Variants in CLRN1 observed in about 807,000 individuals in gnomAD.
CLRN1 encodes clarin 1.
CLRN1 carries 15 observed loss-of-function variants against 18.7 expected under a neutral mutation model. That is an observed-to-expected ratio of 0.80 (90% CI 0.54 to 1.23). CLRN1 has a LOEUF of 1.23. Among genes scored for constraint, CLRN1 ranks in the 50% most tolerant of loss-of-function variants. The pLI, the probability that CLRN1 is intolerant of heterozygous loss-of-function variation, is 0.00. For missense variants in CLRN1, 311 were observed against 277.5 expected (o/e 1.12, Z -0.86); for synonymous variants, 104 against 102.9 (o/e 1.01, Z -0.07).
intron 1 of CLRN1, among the ~76,000 whole-genome samples, chr3:150,952,434 G>A (rs1429481158): frequency 1.3e-5 from 2 of 152,152 alleles, no homozygotes; most frequent in African/African-American, 2.4e-5. Flanking sequence ...CACATTTAAC[G>A]TAGGCTGAGC....
At chr3:150,965,168 T>C (rs906767) in intron 1 of CLRN1, among the ~76,000 whole-genome samples, 98,113 of 152,012 alleles carry the variant, frequency 0.65, 31,824 homozygotes, top group East Asian at 0.69. Context: ...AGAGCATGAT[T>C]TACCATATGC....
intron 1 of CLRN1, among the ~76,000 whole-genome samples, chr3:150,960,622 C>A (rs1384105521): frequency 2.0e-5 from 3 of 152,168 alleles, no homozygotes; most frequent in Non-Finnish European, 4.4e-5. Flanking sequence ...ATTCTTACTT[C>A]TATTTCCCTT....
intron 1 of CLRN1, among the ~76,000 whole-genome samples, chr3:150,966,766 T>C (rs997088385): frequency 2.6e-5 from 4 of 152,180 alleles, no homozygotes; most frequent in Non-Finnish European, 4.4e-5. Context: ...TTAAAAATCA[T>C]GAGTTTTGAG....
chr3:150,956,513 G>A (rs1192637686), intron 1 of CLRN1, among the ~76,000 whole-genome samples: 1 of 152,134 alleles, frequency 6.6e-6, no homozygotes, highest in Non-Finnish European at 1.5e-5. Flanking sequence ...GAGAGAGAAA[G>A]CGAAAAAGGA....
At position 150,928,006 on chromosome 3, in the gene CLRN1, C is replaced by G; in HGVS notation, c.629G>C (p.Gly210Ala). The G allele has an allele frequency of 6.2e-7, 1 of 1,614,140 alleles. No individual in the cohort carries two copies. Among genetic ancestry groups the G allele is most frequent in the Non-Finnish European group, 8.5e-7 (1 of 1,180,026 alleles). The change falls in exon 3 of 3, where the codon GGA becomes GCA. Residue 210 changes from glycine (G) to alanine (A), a missense_variant. By Grantham distance (60) the Gly-to-Ala change is moderately conservative. Transcript: ENST00000327047. ...FLNGLLIRLA[G>A]FQFPFAKSKD... is the part of the protein sequence containing the mutation. ...AGATTTTGCAAAAGGGAACTGAAAT[C>G]CAGCAAGTCGTATTAGGAGCCCATT...
intron 1 of CLRN1, among the ~76,000 whole-genome samples, chr3:150,967,064 C>T (rs1276224855): frequency 6.6e-6 from 1 of 152,170 alleles, no homozygotes; most frequent in Non-Finnish European, 1.5e-5. Context: ...CAGAGACCCA[C>T]CTCAAATCCA....
At chr3:150,971,817 C>T (rs1715550954) in intron 1 of CLRN1, among the ~76,000 whole-genome samples, 1 of 152,140 alleles carries the variant, frequency 6.6e-6, no homozygotes, top group African/African-American at 2.4e-5. Context: ...AAAATCACAA[C>T]AAGAAAATCT....
rs1463278221 is a variant in CLRN1 at position 150,927,003 on chromosome 3, A to G, written c.*933T>C. The G allele has an allele frequency of 2.7e-6, 4 of 1,508,510 alleles. No homozygotes were observed. Among genetic ancestry groups the G allele is most frequent in the Admixed American group, 3.9e-5 (2 of 51,660 alleles). The allele number at this position is 1,508,510 out of a possible 1,614,324, so 93.4% of individuals were successfully genotyped here. A position where few individuals can be genotyped will look rare whatever the true frequency, so the allele number is the denominator to read the frequency against. ...ATCCCAGATTTAATATAATTTTCAT[A>G]ATTGCATATTAGTACTCGAGACACT... On this transcript the variant is annotated 3_prime_UTR_variant, in exon 3 of 3. Coordinates refer to ENST00000327047, the MANE Select transcript of CLRN1 (RefSeq NM_174878.3).
At chr3:150,940,390 C>T (rs779776202) in intron 2 of CLRN1, 50 of 1,234,732 alleles carry the variant, frequency 4.0e-5, no homozygotes, top group Non-Finnish European at 5.4e-5. Flanking sequence ...AACTACAGGC[C>T]TTTGTTTTAT....
At chr3:150,962,007 A>G (rs77199067) in intron 1 of CLRN1, among the ~76,000 whole-genome samples, 56 of 152,316 alleles carry the variant, frequency 3.7e-4, no homozygotes, top group African/African-American at 1.3e-3. Flanking sequence ...AATTTCTCTC[A>G]GCTGAAGTGT....
chr3:150,954,696 A>G (rs1479100703), intron 1 of CLRN1, among the ~76,000 whole-genome samples: 1 of 152,250 alleles, frequency 6.6e-6, no homozygotes, highest in African/African-American at 2.4e-5. Flanking sequence ...GCAAGGTCAC[A>G]AATATTTTCT....
intron 1 of CLRN1, among the ~76,000 whole-genome samples, chr3:150,953,115 T>C (rs1714573339): frequency 6.6e-6 from 1 of 152,210 alleles, no homozygotes; most frequent in South Asian, 2.1e-4. Flanking sequence ...GGGAGGTAGA[T>C]TTGCTTGGTC....
intron 1 of CLRN1, among the ~76,000 whole-genome samples, chr3:150,960,833 C>T (rs567911807): frequency 5.9e-5 from 9 of 152,338 alleles, no homozygotes; most frequent in African/African-American, 1.9e-4. Flanking sequence ...CATCAAGTTC[C>T]CCAAATTAGG....
At chr3:150,936,685 T>C (rs61595265) in intron 2 of CLRN1, among the ~76,000 whole-genome samples, 51,436 of 151,942 alleles carry the variant, frequency 0.34, 8,909 homozygotes, top group South Asian at 0.4. Context: ...TTTCAAAAGG[T>C]TTTCATTGCA....
In CLRN1 at chr3:150,953,486, A is replaced by G. The variant is rs116403873; in HGVS notation, c.254-11725T>C. ...AACAGCAATAATGCAAGTAATAACAATAAGAAAAAAAAGCCAATAATTATA... is the reference window on the plus strand; with the variant it reads ...AACAGCAATAATGCAAGTAATAACAGTAAGAAAAAAAAGCCAATAATTATA... On this transcript the variant is annotated intron_variant, in intron 1 of 2. Transcript: ENST00000327047. 5.1e-3 allele frequency among the ~76,000 whole-genome samples: 770 copies of G among 152,268 alleles called. 8 individuals carry two copies. The highest frequency in any genetic ancestry group is 0.018 in the African/African-American group (730 of 41,536).
At chr3:150,960,854 C>T (rs941803981) in intron 1 of CLRN1, among the ~76,000 whole-genome samples, 4 of 152,252 alleles carry the variant, frequency 2.6e-5, no homozygotes, top group African/African-American at 9.6e-5. Context: ...CAGCTTCACC[C>T]ACGCAGTCAC....
intron 1 of CLRN1, among the ~76,000 whole-genome samples, chr3:150,956,972 G>T (rs906411529): frequency 6.6e-6 from 1 of 152,048 alleles, no homozygotes; most frequent in Non-Finnish European, 1.5e-5. Flanking sequence ...GGCTATCATG[G>T]AATGCCCTCA....
At chr3:150,940,181 T>C (rs370162385) in intron 2 of CLRN1, among the ~76,000 whole-genome samples, 130 of 152,330 alleles carry the variant, frequency 8.5e-4, no homozygotes, top group African/African-American at 3.0e-3. Flanking sequence ...TCTTCTGTTA[T>C]AGGATAATCA....
intron 2 of CLRN1, among the ~76,000 whole-genome samples, chr3:150,940,212 A>G (rs1713736215): frequency 6.6e-6 from 1 of 152,246 alleles, no homozygotes; most frequent in Non-Finnish European, 1.5e-5. Context: ...TTAAAACTGT[A>G]TTATATACTT....
Sources: gnomAD v4.1 joint callset for allele counts (sites outside exome capture counted in the v4.1 genomes callset) on GRCh38, gnomAD v4.1.1 for gene constraint, MANE v1.5 for transcripts, NCBI Gene and HGNC (gene_info 2026-07-23, HGNC 2026-07-21) for gene names.